OR1B1: variants seen among roughly 807,000 people sequenced by gnomAD.
OR1B1 encodes the protein olfactory receptor family 1 subfamily B member 1, also known as olfactory receptor 1B1.
For missense variants in OR1B1, 414 were observed against 402.1 expected (o/e 1.03, Z -0.25); for synonymous variants, 168 against 156.2 (o/e 1.08, Z -0.57).
the OR1B1 span, among the ~76,000 whole-genome samples, chr9:122,637,889 A>G: frequency 2.6e-5 from 4 of 152,238 alleles, no homozygotes; most frequent in Non-Finnish European, 4.4e-5. Context: ...ATTGTGGTAT[A>G]TAACAGTGAT....
At chr9:122,645,760 T>C in the OR1B1 span, among the ~76,000 whole-genome samples, 3 of 152,118 alleles carry the variant, frequency 2.0e-5, no homozygotes, top group Non-Finnish European at 4.4e-5. Flanking sequence ...AGAGATTTCA[T>C]CAACACTAGA....
the OR1B1 span, among the ~76,000 whole-genome samples, chr9:122,655,671 C>T: frequency 8.6e-6 from 1 of 116,568 alleles, no homozygotes; most frequent in Non-Finnish European, 1.6e-5. Context: ...GGGAATGACA[C>T]ATACTGGGGC....
upstream of OR1B1, among the ~76,000 whole-genome samples, chr9:122,631,206 T>A (rs894898635): frequency 2.0e-5 from 3 of 151,576 alleles, no homozygotes; most frequent in Non-Finnish European, 4.4e-5. Context: ...AGACGGAATC[T>A]CGTTCTGTCG....
chr9:122,631,240 G>C (rs963523033), upstream of OR1B1, among the ~76,000 whole-genome samples: 1 of 151,418 alleles, frequency 6.6e-6, no homozygotes, highest in African/African-American at 2.4e-5. Flanking sequence ...GCAGTGGCAC[G>C]ATCTCGGCTC....
the OR1B1 span, among the ~76,000 whole-genome samples, chr9:122,645,466 GA>G: frequency 6.6e-6 from 1 of 151,978 alleles, no homozygotes; most frequent in Non-Finnish European, 1.5e-5. Flanking sequence ...TTAACACAAA[GA>G]AGACTCCCCC....
chr9:122,645,289 A>T, the OR1B1 span, among the ~76,000 whole-genome samples: 54 of 152,290 alleles, frequency 3.5e-4, 1 homozygote, highest in Admixed American at 3.3e-3. Flanking sequence ...TAAGATCTAG[A>T]AAATAGCCTC....
chr9:122,628,946 T>C (rs772071540), exon 1 of OR1B1: 1 of 1,613,960 alleles, frequency 6.2e-7, no homozygotes. Context: ...AGAATGTATG[T>C]CAGAACAAGA....
At chr9:122,644,429 G>T in the OR1B1 span, among the ~76,000 whole-genome samples, 9 of 152,330 alleles carry the variant, frequency 5.9e-5, no homozygotes, top group East Asian at 1.5e-3. Context: ...TTGAGTGCCA[G>T]CTTAGCCACG....
chr9:122,630,654 C>T (rs536849436), upstream of OR1B1, among the ~76,000 whole-genome samples: 1 of 152,064 alleles, frequency 6.6e-6, no homozygotes, highest in Non-Finnish European at 1.5e-5. Context: ...ATTATTAGTA[C>T]CTAACTTCTC....
upstream of OR1B1, among the ~76,000 whole-genome samples, chr9:122,633,810 G>T (rs1278215412): frequency 6.7e-6 from 1 of 150,358 alleles, no homozygotes; most frequent in African/African-American, 2.5e-5. Context: ...CATGCCTGTG[G>T]TCCCAGCTAC....
At chr9:122,648,420 G>C in the OR1B1 span, among the ~76,000 whole-genome samples, 1 of 152,106 alleles carries the variant, frequency 6.6e-6, no homozygotes, top group Non-Finnish European at 1.5e-5. Context: ...AAAATAATAA[G>C]AGCTATTTAT....
At chr9:122,650,071 A>G in the OR1B1 span, among the ~76,000 whole-genome samples, 1 of 152,204 alleles carries the variant, frequency 6.6e-6, no homozygotes, top group Non-Finnish European at 1.5e-5. Flanking sequence ...GCAGTCATAA[A>G]AAAAAGGATG....
Position 122,628,995 on chromosome 9 carries a change from G to A in OR1B1, c.541C>T (p.Pro181Ser), listed in dbSNP as rs768082466. The A allele has an allele frequency of 6.2e-6, 10 of 1,613,868 alleles. 1 individual carries two copies. The South Asian group carries it at 9.9e-5, about 16-fold the overall frequency. Residue 181 changes from proline to serine, a missense_variant, in exon 1 of 1, where the codon CCT (proline) becomes TCT (serine). Physicochemically the swap from Pro to Ser is moderately conservative, Grantham distance 74 (BLOSUM62 -1). Coordinates refer to ENST00000623530, the Ensembl canonical transcript of OR1B1. ...GGCCGGTGGTCACAAAAGAAGTGAG[G>A]AAGGTTAACGTTGCCCCCAGCATCC...
the OR1B1 span, among the ~76,000 whole-genome samples, chr9:122,635,399 A>G: frequency 6.6e-6 from 1 of 152,200 alleles, no homozygotes; most frequent in Non-Finnish European, 1.5e-5. Flanking sequence ...AGAGCTCAAA[A>G]GATACAAAGT....
chr9:122,653,268 A>G, the OR1B1 span, among the ~76,000 whole-genome samples: 1 of 152,236 alleles, frequency 6.6e-6, no homozygotes, highest in African/African-American at 2.4e-5. Context: ...TCAGGCTCAC[A>G]GTGCATCTTT....
the OR1B1 span, among the ~76,000 whole-genome samples, chr9:122,653,722 A>G: frequency 6.6e-6 from 1 of 152,198 alleles, no homozygotes; most frequent in Non-Finnish European, 1.5e-5. Context: ...CCTTGGTAAT[A>G]TCTGAAGGAA....
At chr9:122,641,320 GTTAA>G in the OR1B1 span, among the ~76,000 whole-genome samples, 5 of 152,196 alleles carry the variant, frequency 3.3e-5, no homozygotes, top group Non-Finnish European at 5.9e-5. Context: ...TGAATTTACT[GTTAA>G]TTGAGTGTTT....
the OR1B1 span, among the ~76,000 whole-genome samples, chr9:122,650,311 A>T: frequency 6.6e-6 from 1 of 152,088 alleles, no homozygotes; most frequent in Non-Finnish European, 1.5e-5. Flanking sequence ...TGACACGTTG[A>T]TGGGTTCAGT....
At chr9:122,641,930 C>T in the OR1B1 span, among the ~76,000 whole-genome samples, 1 of 151,852 alleles carries the variant, frequency 6.6e-6, no homozygotes, top group Middle Eastern at 3.4e-3. Context: ...GACAGAGGAG[C>T]ATAATTGGGG....
Sources: gnomAD v4.1 joint callset for allele counts (sites outside exome capture counted in the v4.1 genomes callset) on GRCh38, gnomAD v4.1.1 for gene constraint, MANE v1.5 for transcripts, NCBI Gene and HGNC (gene_info 2026-07-23, HGNC 2026-07-21) for gene names.